Variants in ADAM2 observed in about 807,000 individuals in gnomAD.
ADAM2 encodes the protein disintegrin and metalloproteinase domain-containing protein 2.
In ADAM2, 101 loss-of-function variants were observed where a neutral mutation model predicts 99.3. The ratio of observed to expected loss-of-function variants is 1.02; its 90% confidence interval spans 0.87 to 1.20. The LOEUF (loss-of-function observed/expected upper bound fraction) is 1.20. Among genes scored for constraint, ADAM2 ranks in the 50% most tolerant of loss-of-function variants. The probability of loss-of-function intolerance (pLI) is 0.00; values close to 1 mark genes in which losing one functional copy is unlikely to be tolerated. For missense variants in ADAM2, 948 were observed against 878.7 expected, an observed-to-expected ratio of 1.08 and a Z score of -1.00; for synonymous variants, 323 against 287.6, an observed-to-expected ratio of 1.12 and a Z score of -1.25.
chr8:39,813,965 G>A (rs1369836997), intron 6 of ADAM2, among the ~76,000 whole-genome samples: 2 of 151,256 alleles, frequency 1.3e-5, no homozygotes, highest in African/African-American at 4.8e-5. Context: ...TGTGTGTGTT[G>A]AAAAGGTGGG....
At chr8:39,784,079 C>T (rs1210612902) in intron 10 of ADAM2, among the ~76,000 whole-genome samples, 1 of 152,162 alleles carries the variant, frequency 6.6e-6, no homozygotes, top group Non-Finnish European at 1.5e-5. Flanking sequence ...AGGATACAGA[C>T]TCTAAATTGC....
chr8:39,787,552 A>G (rs1448873784), intron 9 of ADAM2, among the ~76,000 whole-genome samples: 1 of 107,350 alleles, frequency 9.3e-6, no homozygotes, highest in Admixed American at 9.8e-5. Flanking sequence ...CTATATATAT[A>G]TATACACATA....
intron 15 of ADAM2, 28 bp from the exon 16 acceptor site, chr8:39,755,939 T>C: frequency 8.4e-7 from 1 of 1,194,790 alleles, no homozygotes; most frequent in East Asian, 2.5e-5. Flanking sequence ...ATAAAAATTA[T>C]TAATTTTAAT....
At chr8:39,749,246 T>C in intron 18 of ADAM2, 66 bp downstream of exon 18, 1 of 1,402,754 alleles carries the variant, frequency 7.1e-7, no homozygotes, top group Non-Finnish European at 9.7e-7. Flanking sequence ...AAAATATTAT[T>C]TGTTATCCAA....
intron 3 of ADAM2, among the ~76,000 whole-genome samples, chr8:39,825,434 C>G (rs1240701385): frequency 3.9e-5 from 6 of 151,954 alleles, no homozygotes; most frequent in Non-Finnish European, 8.8e-5. Context: ...AGATTTGCAT[C>G]TATGTTGTTA....
chr8:39,822,266 A>C (rs930011765), intron 4 of ADAM2, among the ~76,000 whole-genome samples: 1 of 152,170 alleles, frequency 6.6e-6, no homozygotes, highest in Non-Finnish European at 1.5e-5. Flanking sequence ...CACAGCTTTT[A>C]TCTTCTTCCT....
chr8:39,822,718 C>T (rs1805243908), intron 4 of ADAM2, among the ~76,000 whole-genome samples: 1 of 151,488 alleles, frequency 6.6e-6, no homozygotes, highest in Admixed American at 6.6e-5. Context: ...GTCAATTATG[C>T]CTTCCATAAT....
chr8:39,834,779 A>G (rs1284042884), intron 2 of ADAM2, among the ~76,000 whole-genome samples: 1 of 150,118 alleles, frequency 6.7e-6, no homozygotes, highest in East Asian at 2.0e-4. Flanking sequence ...CTTTCCACTA[A>G]TTATGATGTT....
At chr8:39,816,561 C>T (rs1804951452) in intron 6 of ADAM2, among the ~76,000 whole-genome samples, 1 of 152,112 alleles carries the variant, frequency 6.6e-6, no homozygotes. Flanking sequence ...ATTTGTTCAT[C>T]AGCTTATGAC....
At position 39,748,345 on chromosome 8, in the gene ADAM2, A is replaced by G. The variant is rs536997098; in HGVS notation, c.2014+967T>C. Among the ~76,000 whole-genome samples, 4 of 152,324 alleles carry G rather than the reference A, an allele frequency of 2.6e-5. No homozygotes were observed. In the South Asian group the frequency reaches 6.2e-4, roughly 24 times the overall value. The stretch of plus-strand genomic sequence containing the variant: ...TCATTGGGAAATGGCATGTGTGTGC[A>G]TGAATAGAAACAATTAATTGCAGCC... On this transcript the variant is annotated intron_variant, in intron 18 of 20. Coordinates refer to ENST00000265708, the MANE Select transcript of ADAM2 (RefSeq NM_001464.5).
In ADAM2 at chr8:39,755,930, TA is replaced by T; in HGVS notation, c.1614-20del. The T allele has an allele frequency of 7.9e-7, 1 of 1,259,502 alleles. No homozygotes were observed. Among genetic ancestry groups the T allele is most frequent in the East Asian group, 2.4e-5 (1 of 41,570 alleles). The allele number at this position is 1,259,502 out of a possible 1,614,324, so 78.0% of individuals were successfully genotyped here. On this transcript the variant is annotated intron_variant, in intron 15 of 20. Transcript: ENST00000265708. ...CAGATTGCTATAATTTATCCACAAA[TA>T]AAAATTATTAATTTTAATTTAGAGA...
At chr8:39,796,634 C>T (rs903438323) in intron 7 of ADAM2, among the ~76,000 whole-genome samples, 1 of 152,070 alleles carries the variant, frequency 6.6e-6, no homozygotes, top group African/African-American at 2.4e-5. Context: ...TCCACAATAA[C>T]TGAACTAATT....
intron 4 of ADAM2, 46 bp from the exon 5 acceptor site, chr8:39,821,708 C>T (rs766456637): frequency 4.6e-6 from 6 of 1,314,648 alleles, no homozygotes; most frequent in South Asian, 1.2e-5. Flanking sequence ...GTTTGTGTTA[C>T]AGATACAATT....
At chr8:39,747,738 C>CA (rs2129582639) in intron 18 of ADAM2, among the ~76,000 whole-genome samples, 1 of 152,268 alleles carries the variant, frequency 6.6e-6, no homozygotes, top group African/African-American at 2.4e-5. Context: ...CCAGTAGTTT[C>CA]ATAGTAGGCA....
At chr8:39,753,245 G>T (rs1351685713) in intron 16 of ADAM2, among the ~76,000 whole-genome samples, 1 of 152,132 alleles carries the variant, frequency 6.6e-6, no homozygotes, top group Non-Finnish European at 1.5e-5. Flanking sequence ...GAGAAAAGGT[G>T]ACTCTTGTTA....
At position 39,831,323 on chromosome 8, in the gene ADAM2, A is replaced by G. The variant is rs182739506; in HGVS notation, c.188+2621T>C. Among the ~76,000 whole-genome samples the G allele has an allele frequency of 9.5e-4, 145 of 152,252 alleles. 2 individuals are homozygous for G. In the South Asian group the frequency reaches 0.012, roughly 13 times the overall value. On this transcript the variant is annotated intron_variant, in intron 3 of 20. Coordinates refer to ENST00000265708, the MANE Select transcript of ADAM2 (RefSeq NM_001464.5). ...ATTATTATGGAACCCTGAGCTGATA[A>G]AGTGTAAACTTTTGACCCAGCTAAT...
At position 39,749,707 on chromosome 8, in the gene ADAM2, A is replaced by G; in HGVS notation, c.1835T>C (p.Leu612Ser). The G allele has an allele frequency of 6.2e-7, 1 of 1,612,566 alleles. No homozygotes were observed. The highest frequency in any genetic ancestry group is 8.5e-7 in the Non-Finnish European group (1 of 1,178,966). Residue 612 changes from leucine (L) to serine (S), a missense_variant, in exon 17 of 21, where the codon TTG (leucine) becomes TCG (serine). Transcript: ENST00000265708. ...RNQRCVSSSY[L>S]GYDCTTDKCN... is the part of the protein sequence containing the mutation. The stretch of plus-strand genomic sequence containing the variant: ...TTTGTCAGTAGTACAATCATAACCC[A>G]AGTATGAAGAACTCACACATCTTTG...
At chr8:39,783,213 A>G (rs1175741094) in intron 10 of ADAM2, among the ~76,000 whole-genome samples, 1 of 152,152 alleles carries the variant, frequency 6.6e-6, no homozygotes, top group African/African-American at 2.4e-5. Flanking sequence ...ATCATTTAAT[A>G]TTTATTGATA....
At chr8:39,792,396 G>T (rs1803756409) in intron 7 of ADAM2, among the ~76,000 whole-genome samples, 1 of 151,988 alleles carries the variant, frequency 6.6e-6, no homozygotes, top group East Asian at 1.9e-4. Flanking sequence ...ATATGAAGTA[G>T]TTTCTATAAG....
Sources: allele counts gnomAD v4.1 joint callset (sites outside exome capture counted in the v4.1 genomes callset), GRCh38; gene constraint gnomAD v4.1.1; transcripts MANE v1.5; gene names NCBI Gene and HGNC (gene_info 2026-07-23, HGNC 2026-07-21).